Variants in ROBO2 observed in about 807,000 individuals in gnomAD.
ROBO2 encodes the protein roundabout guidance receptor 2, also known as roundabout homolog 2.
Under a neutral mutation model 160.8 loss-of-function variants are expected in ROBO2, and 53 were observed. That is an observed-to-expected ratio of 0.33 (90% CI 0.26 to 0.41). The LOEUF (loss-of-function observed/expected upper bound fraction) is 0.41, where lower values mean the gene tolerates loss of function less well. Ranked by LOEUF, ROBO2 falls within the 10% of genes least tolerant of loss-of-function variation. The probability of loss-of-function intolerance (pLI) is 1.00; values close to 1 mark genes in which losing one functional copy is unlikely to be tolerated. For synonymous variants in ROBO2, 664 were observed against 611.7 expected, an observed-to-expected ratio of 1.09 and a Z score of -1.26; for missense variants, 1,577 against 1,722.4, an observed-to-expected ratio of 0.92 and a Z score of 1.49.
intron 2 of ROBO2, among the ~76,000 whole-genome samples, chr3:77,187,549 A>ACTT (rs2081390632): frequency 6.6e-6 from 1 of 151,918 alleles, no homozygotes; most frequent in Non-Finnish European, 1.5e-5. Context: ...GACTTGTTGC[A>ACTT]CTTATAAAAT....
chr3:76,775,060 T>A (rs2062155387), intron 2 of ROBO2, among the ~76,000 whole-genome samples: 1 of 150,620 alleles, frequency 6.6e-6, no homozygotes, highest in Non-Finnish European at 1.5e-5. Flanking sequence ...AACTACAAAA[T>A]GACCAAATAT....
chr3:76,682,129 A>T (rs1256544275), intron 2 of ROBO2, among the ~76,000 whole-genome samples: 2 of 152,132 alleles, frequency 1.3e-5, no homozygotes, highest in Admixed American at 6.6e-5. Flanking sequence ...TATTCATGTG[A>T]GTTGCAGATG....
chr3:77,496,303 G>C (rs2086770788), intron 5 of ROBO2, among the ~76,000 whole-genome samples: 1 of 152,160 alleles, frequency 6.6e-6, no homozygotes, highest in Non-Finnish European at 1.5e-5. Flanking sequence ...ACTGAGGTCA[G>C]TATTTCATCA....
chr3:76,198,056 TCCCTCCTCTAGGCCGAGAGTTTTCCA>T (rs1378875184), intron 2 of ROBO2, among the ~76,000 whole-genome samples: 2 of 152,126 alleles, frequency 1.3e-5, no homozygotes, highest in Non-Finnish European at 2.9e-5. Context: ...ACTAAACGGA[TCCCTCCTCTAGGCCGAGAGTTTTCCA>T]AAGAAACCAG....
chr3:76,434,495 C>T (rs547489409), intron 2 of ROBO2: 58 of 1,556,446 alleles, frequency 3.7e-5, no homozygotes, highest in African/African-American at 2.6e-4. Flanking sequence ...TTATACAAAC[C>T]GAGTCCTCAA....
At chr3:77,443,651 C>T (rs1309003591) in intron 2 of ROBO2, among the ~76,000 whole-genome samples, 2 of 151,906 alleles carry the variant, frequency 1.3e-5, no homozygotes, top group Admixed American at 1.3e-4. Flanking sequence ...TTCCCTTTAA[C>T]ATTTTTACCT....
chr3:77,070,878 GAGA>G (rs1176154966), intron 1 of ROBO2, among the ~76,000 whole-genome samples: 3 of 152,156 alleles, frequency 2.0e-5, no homozygotes, highest in Admixed American at 2.0e-4. Flanking sequence ...GGGTCCTTGT[GAGA>G]AGGAGTGAGA....
intron 1 of ROBO2, among the ~76,000 whole-genome samples, chr3:77,046,039 G>A (rs1428239133): frequency 6.6e-6 from 1 of 151,894 alleles, no homozygotes; most frequent in Non-Finnish European, 1.5e-5. Context: ...TCCATTTTTG[G>A]CTATTATAGA....
chr3:77,522,883 T>G (rs1361724865), exon 6 of ROBO2: 1 of 1,609,444 alleles, frequency 6.2e-7, no homozygotes, highest in East Asian at 2.2e-5. Flanking sequence ...TGGAAGCCTC[T>G]GCTACACTCA....
chr3:77,511,773 T>A (rs1291664888), intron 5 of ROBO2, among the ~76,000 whole-genome samples: 1 of 151,988 alleles, frequency 6.6e-6, no homozygotes, highest in Non-Finnish European at 1.5e-5. Context: ...CATTTTGGTT[T>A]TCTGTAGAGG....
At chr3:76,944,516 T>C (rs1480195924) in intron 2 of ROBO2, among the ~76,000 whole-genome samples, 2 of 152,198 alleles carry the variant, frequency 1.3e-5, no homozygotes, top group African/African-American at 2.4e-5. Context: ...ATTGAAAACA[T>C]GTTATGTTTT....
intron 2 of ROBO2, among the ~76,000 whole-genome samples, chr3:76,431,383 T>G (rs1298351417): frequency 6.6e-6 from 1 of 152,110 alleles, no homozygotes; most frequent in Non-Finnish European, 1.5e-5. Flanking sequence ...GAAAATACAT[T>G]TATGTGTTTA....
intron 2 of ROBO2, among the ~76,000 whole-genome samples, chr3:76,772,005 A>G (rs770748582): frequency 5.9e-5 from 9 of 151,300 alleles, no homozygotes; most frequent in Non-Finnish European, 1.0e-4. Context: ...TAATGCATGT[A>G]CTAATCAAAA....
chr3:76,600,892 G>A (rs544880706), intron 2 of ROBO2, among the ~76,000 whole-genome samples: 13 of 152,222 alleles, frequency 8.5e-5, no homozygotes, highest in Non-Finnish European at 1.3e-4. Context: ...AACAAGGCAA[G>A]TTCCTCCCAC....
At chr3:77,581,986 A>G (rs981463138) in intron 16 of ROBO2, among the ~76,000 whole-genome samples, 2 of 152,226 alleles carry the variant, frequency 1.3e-5, no homozygotes, top group Non-Finnish European at 2.9e-5. Flanking sequence ...TTATTATTAA[A>G]TGGCTACGTT....
At chr3:76,293,991 C>T (rs2107713010) in intron 2 of ROBO2, among the ~76,000 whole-genome samples, 1 of 152,300 alleles carries the variant, frequency 6.6e-6, no homozygotes, top group Admixed American at 6.5e-5. Context: ...CCCACTCAGC[C>T]TGTCTCCGAT....
chr3:76,144,958 T>G (rs1331706800), intron 2 of ROBO2, among the ~76,000 whole-genome samples: 4 of 151,998 alleles, frequency 2.6e-5, no homozygotes. Context: ...AATGACCTTG[T>G]CATACAGCTG....
chr3:76,775,195 T>C (rs2062165679), intron 2 of ROBO2, among the ~76,000 whole-genome samples: 1 of 150,698 alleles, frequency 6.6e-6, no homozygotes, highest in Non-Finnish European at 1.5e-5. Context: ...GATACCTAAC[T>C]GCTTAACCCC....
rs887585399 is a variant in ROBO2, at chr3:76,757,875, C to T, written c.110-340139C>T. On this transcript the variant is annotated intron_variant, in intron 2 of 26. Coordinates refer to the ROBO2 transcript ENST00000487694. ...CCTAGGGGAGTTTTCATCTCTTTATCTAGTAAGGATTCAGGAACAATATTT... is the reference window on the plus strand; with the variant it reads ...CCTAGGGGAGTTTTCATCTCTTTATTTAGTAAGGATTCAGGAACAATATTT... 4.6e-5 allele frequency among the ~76,000 whole-genome samples: 7 copies of T among 151,432 alleles called. No homozygotes were observed. In the East Asian group the frequency reaches 1.4e-3, roughly 30 times the overall value.
Sources: allele counts gnomAD v4.1 joint callset (sites outside exome capture counted in the v4.1 genomes callset), GRCh38; gene constraint gnomAD v4.1.1; transcripts MANE v1.5; gene names NCBI Gene and HGNC (gene_info 2026-07-23, HGNC 2026-07-21).